Variants in ASAP1 observed in about 807,000 individuals in gnomAD.
ASAP1 encodes the protein arf-GAP with SH3 domain, ANK repeat and PH domain-containing protein 1.
ASAP1 carries 43 observed loss-of-function variants against 145.2 expected under a neutral mutation model. That is an observed-to-expected ratio of 0.30 (90% confidence interval 0.23 to 0.38). ASAP1 has a LOEUF of 0.38. Ranked by LOEUF, ASAP1 falls within the 10% of genes least tolerant of loss-of-function variation. The pLI, the probability that ASAP1 is intolerant of heterozygous loss-of-function variation, is 1.00. For missense variants in ASAP1, 1,018 were observed against 1,355.3 expected (o/e 0.75, Z 3.91); for synonymous variants, 546 against 515.5 (o/e 1.06, Z -0.80).
rs1396223673 is a variant in ASAP1 at position 130,358,193 on chromosome 8, C to T, written c.60-50G>A. The T allele has an allele frequency of 1.3e-6, 2 of 1,537,232 alleles. No homozygotes were observed. Among genetic ancestry groups the T allele is most frequent in the East Asian group, 2.4e-5 (1 of 40,906 alleles). On this transcript the variant is annotated intron_variant, in intron 2 of 29. Coordinates refer to ENST00000518721, the MANE Select transcript of ASAP1 (RefSeq NM_018482.4). The surrounding 1 kb of genome is among the most constrained non-coding windows in gnomAD (Gnocchi z 4.1). ...CGGGGGCGGGGGGTGAGTCACGGCG[C>T]AGGCTCCCGGGGCCGCGGGCCGCCC...
chr8:130,108,757 G>GTTTTTTTTTTTT (rs10568607), intron 24 of ASAP1, among the ~76,000 whole-genome samples: 3 of 51,560 alleles, frequency 5.8e-5, no homozygotes, highest in African/African-American at 8.3e-5. Flanking sequence ...TCAAAAACCA[G>GTTTTTTTTTTTT]TTTTTTTTTT....
In ASAP1 at chr8:130,058,062, C is replaced by A; in HGVS notation, c.3207G>T (p.Val1069=). 1 of 1,613,492 alleles carries A rather than the reference C, an allele frequency of 6.2e-7. No homozygotes were observed. Residue 1069 remains valine, a synonymous_variant, in exon 29 of 30, where the codon GTG becomes GTT. Transcript: ENST00000518721. ...AGTCATAAATGGTCTTCACTCGCCT[C>A]ACTTTATTTTTCCCCTTAAAGAAAG... The part of the protein sequence containing the change: ...PRKINTGKNK[V]RRVKTIYDCQ...
At chr8:130,224,761 C>G (rs1268604268) in intron 4 of ASAP1, among the ~76,000 whole-genome samples, 1 of 152,192 alleles carries the variant, frequency 6.6e-6, no homozygotes. Flanking sequence ...GCAGCTTTTG[C>G]CATCAAAACA....
intron 3 of ASAP1, among the ~76,000 whole-genome samples, chr8:130,298,806 C>T (rs538805158): frequency 6.6e-6 from 1 of 152,286 alleles, no homozygotes; most frequent in Admixed American, 6.5e-5. Context: ...GCTGGGTGCC[C>T]TGCCATGGTC....
chr8:130,080,118 T>C, intron 25 of ASAP1, 147 bp from the exon 26 acceptor site: 1 of 697,784 alleles, frequency 1.4e-6, no homozygotes, highest in Non-Finnish European at 2.5e-6. Context: ...ATTTCTGGCC[T>C]AAGACCAAAA....
chr8:130,076,290 C>A, intron 27 of ASAP1, 58 bp downstream of exon 27: 1 of 1,345,482 alleles, frequency 7.4e-7, no homozygotes, highest in Non-Finnish European at 1.0e-6. Flanking sequence ...ACCTTGGGCC[C>A]CTTGGAGGGG....
chr8:130,230,444 T>C (rs1166636002), intron 4 of ASAP1, among the ~76,000 whole-genome samples: 1 of 152,192 alleles, frequency 6.6e-6, no homozygotes. Context: ...TGAATCCCTC[T>C]AGTTTATCCC....
intron 27 of ASAP1, among the ~76,000 whole-genome samples, chr8:130,061,587 T>C (rs1314953781): frequency 6.6e-6 from 1 of 152,246 alleles, no homozygotes; most frequent in Non-Finnish European, 1.5e-5. Context: ...TATTATTATT[T>C]CTCCCCATTT....
chr8:130,266,191 C>T (rs984960120), intron 3 of ASAP1, among the ~76,000 whole-genome samples: 1 of 152,108 alleles, frequency 6.6e-6, no homozygotes, highest in African/African-American at 2.4e-5. Flanking sequence ...CAGAGAGATG[C>T]AAGAAAGCTG....
intron 5 of ASAP1, among the ~76,000 whole-genome samples, chr8:130,196,259 T>C (rs1408774585): frequency 2.0e-5 from 3 of 152,072 alleles, no homozygotes; most frequent in African/African-American, 7.2e-5. Context: ...GGAGAATCGC[T>C]TGAACCTGGG....
chr8:130,417,621 A>G (rs1477183990), intron 1 of ASAP1, among the ~76,000 whole-genome samples: 3 of 136,632 alleles, frequency 2.2e-5, no homozygotes, highest in African/African-American at 5.1e-5. Flanking sequence ...CTTCAGGGGA[A>G]AAAAAAAAAA....
At chr8:130,261,913 A>G (rs983725065) in intron 3 of ASAP1, among the ~76,000 whole-genome samples, 1 of 152,090 alleles carries the variant, frequency 6.6e-6, no homozygotes, top group Non-Finnish European at 1.5e-5. Context: ...CAATTCCTAC[A>G]TATCATATAT....
At chr8:130,215,064 C>T (rs1378267221) in intron 4 of ASAP1, among the ~76,000 whole-genome samples, 2 of 151,902 alleles carry the variant, frequency 1.3e-5, no homozygotes, top group Non-Finnish European at 2.9e-5. Context: ...CCATGCCCGG[C>T]TAATTTTTTG....
At chr8:130,129,123 T>C (rs1413145767) in intron 15 of ASAP1, among the ~76,000 whole-genome samples, 5 of 152,214 alleles carry the variant, frequency 3.3e-5, no homozygotes, top group Admixed American at 6.5e-5. Flanking sequence ...TTCTCTCTCC[T>C]GCTGCCATGT....
chr8:130,135,634 G>GC, intron 14 of ASAP1, among the ~76,000 whole-genome samples: 1 of 152,210 alleles, frequency 6.6e-6, no homozygotes, highest in South Asian at 2.1e-4. Context: ...TGGAGTCTGA[G>GC]TTTTTTCTTC....
At chr8:130,058,199 A>C in intron 28 of ASAP1, 123 bp from the exon 29 acceptor site, 3 of 1,058,546 alleles carry the variant, frequency 2.8e-6, no homozygotes, top group Non-Finnish European at 4.2e-6. Flanking sequence ...TGATTTCCTC[A>C]CCCTTGAAGG....
chr8:130,308,934 C>T (rs996317744), intron 3 of ASAP1, among the ~76,000 whole-genome samples: 1 of 152,074 alleles, frequency 6.6e-6, no homozygotes, highest in Non-Finnish European at 1.5e-5. Flanking sequence ...AAAAGAATGA[C>T]AATGAAGAGT....
At chr8:130,247,317 T>C (rs1189755648) in intron 3 of ASAP1, among the ~76,000 whole-genome samples, 1 of 152,198 alleles carries the variant, frequency 6.6e-6, no homozygotes, top group Non-Finnish European at 1.5e-5. Context: ...TCATCTTATA[T>C]AATCAACACA....
chr8:130,338,327 C>T (rs1170213429), intron 3 of ASAP1, among the ~76,000 whole-genome samples: 1 of 152,178 alleles, frequency 6.6e-6, no homozygotes, highest in Non-Finnish European at 1.5e-5. Flanking sequence ...ATGAGGTTTA[C>T]ATCAGTGGAT....
Sources: gnomAD v4.1 joint callset for allele counts (sites outside exome capture counted in the v4.1 genomes callset) on GRCh38, gnomAD v4.1.1 for gene constraint, Gnocchi (gnomAD v3.1) non-coding constraint, MANE v1.5 for transcripts, NCBI Gene and HGNC (gene_info 2026-07-23, HGNC 2026-07-21) for gene names.